Variants in WDFY4 observed in about 807,000 individuals in gnomAD.
WDFY4 encodes the protein WDFY family member 4, also known as WD repeat- and FYVE domain-containing protein 4.
Under a neutral mutation model 351.9 loss-of-function variants are expected in WDFY4, and 169 were observed. That is an observed-to-expected ratio of 0.48 (90% CI 0.42 to 0.55). The LOEUF (loss-of-function observed/expected upper bound fraction) is 0.55. WDFY4 is among the 20% of genes least tolerant of loss of function. WDFY4 has a pLI of 0.00. For synonymous variants in WDFY4, 1,622 were observed against 1,574.6 expected (o/e 1.03, Z -0.71); for missense variants, 3,803 against 3,935.6 (o/e 0.97, Z 0.90).
At chr10:48,823,237 T>G (rs1225981153) in intron 35 of WDFY4, 1 of 1,303,236 alleles carries the variant, frequency 7.7e-7, no homozygotes, top group Non-Finnish European at 1.0e-6. Context: ...AGGAAACCTT[T>G]GCTCAAACCC....
intron 47 of WDFY4, among the ~76,000 whole-genome samples, chr10:48,906,058 T>C (rs747398926): frequency 3.7e-4 from 57 of 152,220 alleles, no homozygotes; most frequent in Non-Finnish European, 2.4e-4. Flanking sequence ...ATGCCTGGAA[T>C]GAAGCTGATG....
chr10:48,911,131 C>G (rs1837962832), intron 47 of WDFY4, among the ~76,000 whole-genome samples: 1 of 152,182 alleles, frequency 6.6e-6, no homozygotes, highest in African/African-American at 2.4e-5. Flanking sequence ...ATGTCCAAGA[C>G]CTGGCAGGCT....
At chr10:48,760,938 A>G (rs375529630) in intron 13 of WDFY4, among the ~76,000 whole-genome samples, 144 of 152,350 alleles carry the variant, frequency 9.5e-4, no homozygotes, top group African/African-American at 3.3e-3. Context: ...GTGCAGACAG[A>G]CTAAATAAAT....
intron 22 of WDFY4, among the ~76,000 whole-genome samples, 155 bp from the exon 23 acceptor site, chr10:48,790,572 G>T (rs933567280): frequency 3.3e-5 from 5 of 152,216 alleles, no homozygotes; most frequent in African/African-American, 1.2e-4. Context: ...AGAACCTCCT[G>T]CTCTTCCCCC....
chr10:48,884,796 C>G (rs1373159051), intron 43 of WDFY4, among the ~76,000 whole-genome samples: 1 of 152,178 alleles, frequency 6.6e-6, no homozygotes, highest in Non-Finnish European at 1.5e-5. Flanking sequence ...TCTGGTGTCA[C>G]CGCTGCCGCC....
chr10:48,854,324 G>T (rs2069061754), intron 39 of WDFY4, among the ~76,000 whole-genome samples: 1 of 152,046 alleles, frequency 6.6e-6, no homozygotes, highest in Non-Finnish European at 1.5e-5. Flanking sequence ...GCCCAGGCTG[G>T]TCTCAAACTC....
chr10:48,804,725 T>C (rs2067196234), intron 25 of WDFY4: 14 of 985,198 alleles, frequency 1.4e-5, no homozygotes, highest in Non-Finnish European at 1.7e-5. Context: ...GGAGCTGTTT[T>C]CTTTGGGGGA....
At chr10:48,728,128 C>A (rs2064330187) in intron 7 of WDFY4, among the ~76,000 whole-genome samples, 1 of 152,246 alleles carries the variant, frequency 6.6e-6, no homozygotes, top group African/African-American at 2.4e-5. Flanking sequence ...GGATTAGCTC[C>A]AGTGGCCCCA....
chr10:48,947,937 T>C (rs1292832968), intron 51 of WDFY4, among the ~76,000 whole-genome samples: 2 of 152,220 alleles, frequency 1.3e-5, no homozygotes, highest in African/African-American at 4.8e-5. Flanking sequence ...TTCTGACACC[T>C]AAGCCTCATC....
intron 47 of WDFY4, among the ~76,000 whole-genome samples, chr10:48,940,183 G>C (rs926526878): frequency 1.3e-5 from 2 of 152,204 alleles, no homozygotes; most frequent in South Asian, 4.1e-4. Context: ...AGCCTTAAGA[G>C]CAGCCTACCC....
chr10:48,824,480 G>A (rs911996905), intron 35 of WDFY4, among the ~76,000 whole-genome samples: 12 of 151,914 alleles, frequency 7.9e-5, no homozygotes, highest in South Asian at 4.2e-4. Context: ...CAGAAATCTC[G>A]GGTCACCAAA....
chr10:48,804,733 G>A (rs1238120947), intron 25 of WDFY4: 2 of 984,888 alleles, frequency 2.0e-6, no homozygotes, highest in East Asian at 1.1e-4. Context: ...TTTCTTTGGG[G>A]GAGTAGAATT....
intron 49 of WDFY4, 75 bp from the exon 50 acceptor site, chr10:48,945,965 T>C: frequency 2.0e-6 from 2 of 1,017,320 alleles, no homozygotes; most frequent in South Asian, 1.8e-5. Flanking sequence ...AAGAGAACCA[T>C]AAAACTCAAG....
At chr10:48,750,390 CA>C (rs1217382436) in intron 12 of WDFY4, among the ~76,000 whole-genome samples, 1 of 152,248 alleles carries the variant, frequency 6.6e-6, no homozygotes, top group Admixed American at 6.5e-5. Context: ...CCATGGCATG[CA>C]GCCATGCAGC....
At chr10:48,732,399 A>G (rs770447259) in intron 9 of WDFY4, among the ~76,000 whole-genome samples, 1 of 152,132 alleles carries the variant, frequency 6.6e-6, no homozygotes, top group Non-Finnish European at 1.5e-5. Context: ...AAGAATCTGG[A>G]TGCTTACTCT....
At chr10:48,737,337 A>G (rs745592478) in intron 11 of WDFY4, among the ~76,000 whole-genome samples, 2 of 152,072 alleles carry the variant, frequency 1.3e-5, no homozygotes, top group Admixed American at 6.5e-5. Context: ...TTAACATGAT[A>G]TATTTGATTG....
intron 53 of WDFY4, 136 bp downstream of exon 53, chr10:48,959,949 T>TG: frequency 1.2e-6 from 1 of 800,910 alleles, no homozygotes; most frequent in Non-Finnish European, 2.0e-6. Context: ...AGAGAAGGGA[T>TG]GGGGTCTATA....
At chr10:48,753,012 C>T (rs2132476109) in intron 12 of WDFY4, among the ~76,000 whole-genome samples, 1 of 152,296 alleles carries the variant, frequency 6.6e-6, no homozygotes, top group Non-Finnish European at 1.5e-5. Flanking sequence ...TTCAATTTCT[C>T]CACAGGCTTG....
intron 47 of WDFY4, among the ~76,000 whole-genome samples, chr10:48,925,731 G>A (rs768320303): frequency 1.3e-5 from 2 of 152,118 alleles, no homozygotes; most frequent in Non-Finnish European, 2.9e-5. Flanking sequence ...GAGAGATGCA[G>A]AAGCAGGGGT....
Sources: gnomAD v4.1 joint callset for allele counts (sites outside exome capture counted in the v4.1 genomes callset) on GRCh38, gnomAD v4.1.1 for gene constraint, MANE v1.5 for transcripts, NCBI Gene and HGNC (gene_info 2026-07-23, HGNC 2026-07-21) for gene names.